Variants in DOK6 observed in about 807,000 individuals in gnomAD.
The protein encoded by DOK6 is docking protein 6, also known as downstream of tyrosine kinase 6.
DOK6 carries 22 observed loss-of-function variants against 44.0 expected under a neutral mutation model. The observed-to-expected ratio is 0.50, with a 90% CI of 0.36 to 0.71. The LOEUF is 0.71. Among genes scored for constraint, DOK6 ranks in the 30% least tolerant of loss-of-function variants. The pLI, the probability that DOK6 is intolerant of heterozygous loss-of-function variation, is 0.00. For missense variants in DOK6, 340 were observed against 416.4 expected, an observed-to-expected ratio of 0.82 and a Z score of 1.60; for synonymous variants, 166 against 145.5, an observed-to-expected ratio of 1.14 and a Z score of -1.01.
At chr18:69,655,890 C>T (rs1264073942) in intron 3 of DOK6, among the ~76,000 whole-genome samples, 2 of 148,294 alleles carry the variant, frequency 1.3e-5, no homozygotes, top group Non-Finnish European at 3.0e-5. Context: ...TAAGAATGTC[C>T]ACCATACATC....
At chr18:69,612,469 A>T (rs1453240876) in intron 3 of DOK6, among the ~76,000 whole-genome samples, 1 of 43,374 alleles carries the variant, frequency 2.3e-5, no homozygotes, top group African/African-American at 1.0e-4. Flanking sequence ...GTGCATATGT[A>T]TTTCTTGCTC....
At chr18:69,737,160 C>T (rs1156968922) in intron 5 of DOK6, among the ~76,000 whole-genome samples, 3 of 152,174 alleles carry the variant, frequency 2.0e-5, no homozygotes, top group Admixed American at 1.3e-4. Flanking sequence ...AGTATTAGTG[C>T]ATTTTCACAC....
At chr18:69,431,270 C>G (rs1978800129) in intron 1 of DOK6, among the ~76,000 whole-genome samples, 1 of 152,130 alleles carries the variant, frequency 6.6e-6, no homozygotes, top group Non-Finnish European at 1.5e-5. Flanking sequence ...AACTGAGAGT[C>G]CTTTTTCCTT....
chr18:69,682,127 T>A (rs1308861209), intron 4 of DOK6, among the ~76,000 whole-genome samples: 1 of 152,208 alleles, frequency 6.6e-6, no homozygotes, highest in African/African-American at 2.4e-5. Context: ...GTTGCTATGG[T>A]AAACATGCTT....
intron 5 of DOK6, among the ~76,000 whole-genome samples, chr18:69,736,739 G>A (rs1978621114): frequency 6.6e-6 from 1 of 152,140 alleles, no homozygotes; most frequent in Non-Finnish European, 1.5e-5. Flanking sequence ...TATAATATTA[G>A]TTTTATATAT....
chr18:69,434,853 C>T (rs1255461950), intron 1 of DOK6, among the ~76,000 whole-genome samples: 1 of 145,796 alleles, frequency 6.9e-6, no homozygotes, highest in Non-Finnish European at 1.5e-5. Flanking sequence ...ACCAGGGAGG[C>T]GGAGGTTGCA....
intron 5 of DOK6, among the ~76,000 whole-genome samples, chr18:69,717,363 G>C (rs1158512713): frequency 1.3e-5 from 2 of 152,072 alleles, no homozygotes; most frequent in Non-Finnish European, 2.9e-5. Context: ...ATATGAAAAT[G>C]ATAGAATATA....
At chr18:69,467,035 G>A (rs566627025) in intron 1 of DOK6, among the ~76,000 whole-genome samples, 12 of 152,050 alleles carry the variant, frequency 7.9e-5, no homozygotes, top group Admixed American at 4.6e-4. Context: ...AAGTAGCAAC[G>A]TCAAAGAGAT....
intron 3 of DOK6, among the ~76,000 whole-genome samples, chr18:69,642,680 G>C (rs1201074458): frequency 1.3e-5 from 2 of 151,806 alleles, no homozygotes; most frequent in African/African-American, 2.4e-5. Context: ...TGAATTTGTT[G>C]TAATTTTTCC....
intron 3 of DOK6, among the ~76,000 whole-genome samples, chr18:69,607,783 G>A (rs577231917): frequency 2.0e-5 from 3 of 152,184 alleles, no homozygotes; most frequent in Admixed American, 6.5e-5. Context: ...TATAAAACAC[G>A]ACAACTGATA....
rs377615632 is a variant in DOK6, at chr18:69,714,513, C to A, written c.599+15920C>A. 2.6e-5 allele frequency among the ~76,000 whole-genome samples: 4 copies of A among 152,090 alleles called. No individual in the cohort carries two copies. The East Asian group carries it at 7.7e-4, about 29-fold the overall frequency. ...TTCATCCTTTTTATTGGCTCATGCA[C>A]CAATATGCTCAAAAATAGTTTATGT... On this transcript the variant is annotated intron_variant, in intron 5 of 7. Coordinates refer to ENST00000382713, the MANE Select transcript of DOK6 (RefSeq NM_152721.6).
At chr18:69,725,386 C>T (rs1978301047) in intron 5 of DOK6, among the ~76,000 whole-genome samples, 1 of 152,118 alleles carries the variant, frequency 6.6e-6, no homozygotes, top group Non-Finnish European at 1.5e-5. Context: ...TCTTCATGTT[C>T]AAAAGAACAG....
At chr18:69,613,433 A>G (rs1440857682) in intron 3 of DOK6, among the ~76,000 whole-genome samples, 1 of 152,204 alleles carries the variant, frequency 6.6e-6, no homozygotes, top group East Asian at 1.9e-4. Context: ...CTAGTAAATG[A>G]AAAAGGAGAT....
intron 4 of DOK6, among the ~76,000 whole-genome samples, chr18:69,683,552 A>T (rs557775836): frequency 6.6e-6 from 1 of 152,246 alleles, no homozygotes; most frequent in South Asian, 2.1e-4. Context: ...GCACAAGAAG[A>T]TGGCCATGTG....
At chr18:69,786,280 G>T (rs572317746) in intron 7 of DOK6, among the ~76,000 whole-genome samples, 1 of 152,058 alleles carries the variant, frequency 6.6e-6, no homozygotes, top group African/African-American at 2.4e-5. Context: ...TCCTATATTT[G>T]ATTTTTGAAA....
chr18:69,840,194 C>G (rs1451154808), intron 7 of DOK6, among the ~76,000 whole-genome samples: 12 of 152,234 alleles, frequency 7.9e-5, no homozygotes, highest in Admixed American at 7.8e-4. Flanking sequence ...CGGTGCTCGG[C>G]GTTAACAGAT....
At chr18:69,584,452 G>T (rs570160459) in intron 2 of DOK6, among the ~76,000 whole-genome samples, 1 of 151,898 alleles carries the variant, frequency 6.6e-6, no homozygotes, top group African/African-American at 2.4e-5. Context: ...CCACCAGCCC[G>T]GCTAACTTTT....
chr18:69,401,282 A>T lies in DOK6; in HGVS notation c.38A>T (p.Tyr13Phe), dbSNP rs1916091825. Residue 13 changes from tyrosine to phenylalanine, a missense_variant, in exon 1 of 8, where the codon TAC (tyrosine) becomes TTC (phenylalanine). Tyr to Phe is a conservative substitution (Grantham distance 22, BLOSUM62 3). Transcript: ENST00000382713. Reference sequence around the variant, plus strand: ...TTTAACGACATAGTCAAGCAGGGCTACGTGAAAATCCGCAGCAGGAAGCTT... The same window carrying T: ...TTTAACGACATAGTCAAGCAGGGCTTCGTGAAAATCCGCAGCAGGAAGCTT... ...SNFNDIVKQG[Y>F]VKIRSRKLGI... 6.3e-7 allele frequency: 1 copy of T among 1,584,864 alleles called. No individual in the cohort carries two copies. The highest frequency in any genetic ancestry group is 1.4e-5 in the African/African-American group (1 of 72,726).
chr18:69,513,136 C>T (rs79651620), intron 1 of DOK6, among the ~76,000 whole-genome samples: 1 of 152,198 alleles, frequency 6.6e-6, no homozygotes, highest in African/African-American at 2.4e-5. Context: ...AAATGTAATG[C>T]ATGTTAGTTC....
Sources: gnomAD v4.1 joint callset for allele counts (sites outside exome capture counted in the v4.1 genomes callset) on GRCh38, gnomAD v4.1.1 for gene constraint, MANE v1.5 for transcripts, NCBI Gene and HGNC (gene_info 2026-07-23, HGNC 2026-07-21) for gene names.